The following CACNA1A variants were observed in gnomAD, a reference collection of about 807,000 sequenced individuals.
CACNA1A encodes the protein calcium voltage-gated channel subunit alpha1 A, also known as voltage-dependent P/Q-type calcium channel subunit alpha-1A.
A neutral mutation model predicts 262.4 loss-of-function variants in CACNA1A; 57 were observed. The observed-to-expected ratio is 0.22, with a 90% confidence interval of 0.18 to 0.27. CACNA1A has a LOEUF of 0.27. Ranked by LOEUF, CACNA1A falls within the 10% of genes least tolerant of loss-of-function variation. CACNA1A has a pLI of 1.00. For synonymous variants in CACNA1A, 1,431 were observed against 1,419.3 expected (o/e 1.01, Z -0.18); for missense variants, 2,526 against 3,562.8 (o/e 0.71, Z 7.41).
rs1196111017 is a variant in CACNA1A at position 13,299,352 on chromosome 19, T to C, written c.2281A>G (p.Lys761Glu). Residue 761 changes from lysine (K) to glutamate (E), a missense_variant and splice_region_variant, in exon 19 of 47, where the codon AAA becomes GAA. By Grantham distance (56) the Lys-to-Glu change is moderately conservative (BLOSUM62 1). Coordinates refer to ENST00000360228, the MANE Select transcript of CACNA1A (RefSeq NM_001127222.2). ...LSAANMSIAVKEQQKNQKPAK... is the reference protein window; with the variant it reads ...LSAANMSIAVEEQQKNQKPAK... ...GGCTTTTGATTCTTCTGTTGCTCTT[T>C]CCTGCAGTGGCATGGTCACAGGACT... The C allele has an allele frequency of 1.3e-6, 2 of 1,599,276 alleles. No homozygotes were observed. The highest frequency in any genetic ancestry group is 1.7e-5 in the Admixed American group (1 of 59,976).
intron 3 of CACNA1A, among the ~76,000 whole-genome samples, chr19:13,444,648 T>C (rs1178711361): frequency 6.6e-6 from 1 of 152,110 alleles, no homozygotes; most frequent in African/African-American, 2.4e-5. Flanking sequence ...TGGGCTCTAG[T>C]GGCAGAACCT....
intron 1 of CACNA1A, among the ~76,000 whole-genome samples, chr19:13,480,596 A>C (rs947430167): frequency 6.6e-6 from 1 of 152,120 alleles, no homozygotes; most frequent in African/African-American, 2.4e-5. Flanking sequence ...TGAGAGGCTG[A>C]GGCAGGAGGA....
intron 6 of CACNA1A, among the ~76,000 whole-genome samples, chr19:13,347,059 G>A (rs1246667985): frequency 1.7e-5 from 1 of 58,394 alleles, no homozygotes; most frequent in African/African-American, 5.2e-5. Context: ...TGTTTTTTTT[G>A]TTTTTTTGTT....
At chr19:13,375,088 T>C (rs534722958) in intron 3 of CACNA1A, among the ~76,000 whole-genome samples, 28 of 152,340 alleles carry the variant, frequency 1.8e-4, no homozygotes, top group Non-Finnish European at 3.2e-4. Flanking sequence ...CCATTTTTTT[T>C]CCAACAGCGT....
intron 3 of CACNA1A, among the ~76,000 whole-genome samples, chr19:13,424,033 T>G (rs2060358717): frequency 6.6e-6 from 1 of 152,082 alleles, no homozygotes; most frequent in African/African-American, 2.4e-5. Flanking sequence ...TTCCTTCCCT[T>G]TCATACCACC....
chr19:13,472,865 C>T (rs189788666), intron 1 of CACNA1A, among the ~76,000 whole-genome samples: 6 of 152,266 alleles, frequency 3.9e-5, no homozygotes, highest in Admixed American at 3.3e-4. Context: ...TTTAGTAAAA[C>T]GGCCTCTGCA....
At chr19:13,369,256 G>A (rs2059275659) in intron 4 of CACNA1A, among the ~76,000 whole-genome samples, 1 of 152,032 alleles carries the variant, frequency 6.6e-6, no homozygotes, top group Admixed American at 6.6e-5. Context: ...TCTCACCTGG[G>A]AGCTACTGCG....
chr19:13,259,813 A>T, intron 26 of CACNA1A, 112 bp from the exon 27 acceptor site: 1 of 1,190,368 alleles, frequency 8.4e-7, no homozygotes, highest in South Asian at 1.4e-5. Flanking sequence ...ACCAGCCTAG[A>T]CTGCTTGGGA....
intron 3 of CACNA1A, among the ~76,000 whole-genome samples, chr19:13,374,313 C>G (rs188934319): frequency 6.6e-6 from 1 of 152,114 alleles, no homozygotes; most frequent in African/African-American, 2.4e-5. Context: ...AGTGGTGCAA[C>G]AACAGCTCAC....
intron 34 of CACNA1A, among the ~76,000 whole-genome samples, chr19:13,234,213 G>T (rs2055780491): frequency 6.6e-6 from 1 of 150,790 alleles, no homozygotes; most frequent in Admixed American, 6.6e-5. Flanking sequence ...ATCTGGGCGT[G>T]GTGGCGGGCG....
At chr19:13,346,642 ATATATATATATATATATATATATATT>A (rs2058776800) in intron 6 of CACNA1A, among the ~76,000 whole-genome samples, 2 of 13,126 alleles carry the variant, frequency 1.5e-4, no homozygotes, top group Admixed American at 1.1e-3. Flanking sequence ...ATATATATAT[ATATATATATATATATATATATATATT>A]TTTTTTTTTT....
At chr19:13,351,217 C>T (rs867344732) in intron 6 of CACNA1A, among the ~76,000 whole-genome samples, 4 of 152,304 alleles carry the variant, frequency 2.6e-5, no homozygotes, top group South Asian at 4.1e-4. Context: ...GGAGATTAGT[C>T]TCCACCTCCT....
intron 2 of CACNA1A, 37 bp downstream of exon 2, chr19:13,455,070 A>G (rs1379587575): frequency 4.6e-6 from 6 of 1,311,460 alleles, no homozygotes; most frequent in Non-Finnish European, 6.6e-6. Context: ...GTCCTGCTAA[A>G]GCCAAGGAGA....
chr19:13,324,093 G>A (rs564625881), intron 10 of CACNA1A, among the ~76,000 whole-genome samples: 2 of 152,274 alleles, frequency 1.3e-5, no homozygotes, highest in East Asian at 3.9e-4. Context: ...TGACAACAGG[G>A]ACAGAACTGG....
At chr19:13,490,692 GGAAA>G (rs56868654) in intron 1 of CACNA1A, among the ~76,000 whole-genome samples, 15,247 of 132,454 alleles carry the variant, frequency 0.12, 1,017 homozygotes, top group Middle Eastern at 0.23. Flanking sequence ...GAGAAAGAAA[GGAAA>G]GAAAGAAAGA....
intron 3 of CACNA1A, among the ~76,000 whole-genome samples, chr19:13,440,173 G>A (rs1568646879): frequency 6.6e-6 from 1 of 152,034 alleles, no homozygotes; most frequent in African/African-American, 2.4e-5. Flanking sequence ...TGCCCAGTCT[G>A]GTCTCAAACT....
intron 1 of CACNA1A, among the ~76,000 whole-genome samples, chr19:13,461,155 C>T (rs1331883538): frequency 6.6e-6 from 1 of 152,050 alleles, no homozygotes; most frequent in African/African-American, 2.4e-5. Context: ...GCCTGGCCAA[C>T]ATGGTGAAAC....
intron 1 of CACNA1A, among the ~76,000 whole-genome samples, chr19:13,468,486 G>A (rs1383715332): frequency 6.6e-6 from 1 of 152,066 alleles, no homozygotes; most frequent in Non-Finnish European, 1.5e-5. Flanking sequence ...CTACTTCATG[G>A]TTTAAACTTA....
intron 22 of CACNA1A, chr19:13,277,361 CAA>C (rs547443251): frequency 1.3e-5 from 6 of 454,500 alleles, no homozygotes; most frequent in Non-Finnish European, 2.0e-5. Flanking sequence ...CAAATCCTAA[CAA>C]AAAAATCACT....
Sources: allele counts gnomAD v4.1 joint callset (sites outside exome capture counted in the v4.1 genomes callset), GRCh38; gene constraint gnomAD v4.1.1; transcripts MANE v1.5; gene names NCBI Gene and HGNC (gene_info 2026-07-23, HGNC 2026-07-21).